The following JAKMIP2 variants were observed in gnomAD, a reference collection of about 807,000 sequenced individuals.
The protein encoded by JAKMIP2 is janus kinase and microtubule interacting protein 2.
JAKMIP2 carries 25 observed loss-of-function variants against 115.0 expected under a neutral mutation model. The ratio of observed to expected loss-of-function variants is 0.22; its 90% CI spans 0.16 to 0.30. The LOEUF (loss-of-function observed/expected upper bound fraction) is 0.30. JAKMIP2 is among the 10% of genes least tolerant of loss of function. The probability of loss-of-function intolerance (pLI) is 1.00; values close to 1 mark genes in which losing one functional copy is unlikely to be tolerated. For missense variants in JAKMIP2, 642 were observed against 957.6 expected (o/e 0.67, Z 4.35); for synonymous variants, 334 against 343.6 (o/e 0.97, Z 0.31).
At chr5:147,681,272 T>C (rs1200995174) in intron 1 of JAKMIP2, among the ~76,000 whole-genome samples, 3 of 152,166 alleles carry the variant, frequency 2.0e-5, no homozygotes, top group Non-Finnish European at 1.5e-5. Flanking sequence ...GTAGAAGTAA[T>C]GTCTAAGTTG....
At position 147,716,718 on chromosome 5, in the gene JAKMIP2, G is replaced by T. The variant is rs200207358; in HGVS notation, c.-148-44764C>A. 2.9e-3 allele frequency among the ~76,000 whole-genome samples: 424 copies of T among 148,706 alleles called. 7 individuals carry two copies. Among genetic ancestry groups the T allele is most frequent in the African/African-American group, 9.1e-3 (365 of 40,236 alleles). ...TTTGTTTTTTTCTTGTAAATTTGTT[G>T]GAGTTCATTGTAGATTCTGGATATT... On this transcript the variant is annotated intron_variant, in intron 1 of 21. Coordinates refer to ENST00000616793, the MANE Select transcript of JAKMIP2 (RefSeq NM_001270941.2).
chr5:147,764,727 A>T lies in JAKMIP2; in HGVS notation c.-149+17729T>A, dbSNP rs897175484. Among the ~76,000 whole-genome samples, 8 of 151,030 alleles carry T rather than the reference A, an allele frequency of 5.3e-5. No individual in the cohort carries two copies. In the East Asian group the frequency reaches 1.6e-3, roughly 30 times the overall value. ...ATGGTGAAACCCTGTCTCTACTAAA[A>T]CTGCAAAAATTAGCTGGGCATGGTG... On this transcript the variant is annotated intron_variant, in intron 1 of 21. Transcript: ENST00000616793.
In JAKMIP2 at chr5:147,661,121, G is replaced by A. The variant is rs542952506; in HGVS notation, c.454C>T (p.Leu152Phe). 6.2e-7 allele frequency: 1 copy of A among 1,613,990 alleles called. No individual in the cohort carries two copies. The highest frequency in any genetic ancestry group is 1.3e-5 in the African/African-American group (1 of 74,982). The change falls in exon 3 of 22, where the codon CTC (leucine) becomes TTC (phenylalanine). Residue 152 changes from leucine to phenylalanine, a missense_variant. Transcript: ENST00000616793. The stretch of plus-strand genomic sequence containing the variant: ...TTCAGGTCCGCAATTTCCTGTAAGA[G>A]CTTAAGGCGCTCTGTGTCAAACAGT... ...RKLFDTERLK[L>F]LQEIADLKTA... is the part of the protein sequence containing the mutation.
At position 147,591,782 on chromosome 5, in the gene JAKMIP2, C is replaced by T. The variant is rs146729714; in HGVS notation, c.*21-96G>A. On this transcript the variant is annotated intron_variant, in intron 21 of 21. Transcript: ENST00000616793. ...TAAAAAAAGACACAAATTTTTTATTCTTTACCACTGCTTTGATGTGTATGA... is the reference window on the plus strand; with the variant it reads ...TAAAAAAAGACACAAATTTTTTATTTTTTACCACTGCTTTGATGTGTATGA... 9.5e-4 allele frequency: 696 copies of T among 731,984 alleles called. 5 individuals carry two copies. In the African/African-American group the frequency reaches 0.011, roughly 12 times the overall value. The allele number at this position is 731,984 out of a possible 1,614,324, so 45.3% of individuals were successfully genotyped here. A position where few individuals can be genotyped will look rare whatever the true frequency, so the allele number is the denominator to read the frequency against.
At chr5:147,645,893 T>C (rs1758110157) in intron 5 of JAKMIP2, among the ~76,000 whole-genome samples, 1 of 152,178 alleles carries the variant, frequency 6.6e-6, no homozygotes, top group African/African-American at 2.4e-5. Context: ...CTTGAGGGGA[T>C]TGTCAATAGT....
intron 2 of JAKMIP2, among the ~76,000 whole-genome samples, chr5:147,663,843 C>T (rs938631118): frequency 2.0e-5 from 3 of 152,142 alleles, no homozygotes; most frequent in Non-Finnish European, 2.9e-5. Context: ...CCAGCTTACA[C>T]CTACGGTCCC....
intron 1 of JAKMIP2, among the ~76,000 whole-genome samples, chr5:147,677,011 T>A (rs1760004795): frequency 6.6e-6 from 1 of 152,242 alleles, no homozygotes; most frequent in Non-Finnish European, 1.5e-5. Flanking sequence ...CACAGGCATC[T>A]CTGAGAACAT....
At chr5:147,718,620 C>G (rs1429840681) in intron 1 of JAKMIP2, among the ~76,000 whole-genome samples, 5 of 151,692 alleles carry the variant, frequency 3.3e-5, no homozygotes, top group Non-Finnish European at 7.4e-5. Flanking sequence ...TCTAGATTTT[C>G]TAGTTTATTT....
chr5:147,767,117 C>A (rs1393485874), intron 1 of JAKMIP2, among the ~76,000 whole-genome samples: 1 of 152,126 alleles, frequency 6.6e-6, no homozygotes, highest in Non-Finnish European at 1.5e-5. Flanking sequence ...ACATTATATG[C>A]ACTGTTTGAT....
At chr5:147,763,834 A>C (rs1443163223) in intron 1 of JAKMIP2, among the ~76,000 whole-genome samples, 1 of 152,150 alleles carries the variant, frequency 6.6e-6, no homozygotes, top group Non-Finnish European at 1.5e-5. Context: ...CAAATAATCA[A>C]GAGTTGGTTA....
At chr5:147,698,642 G>T (rs1752202013) in intron 1 of JAKMIP2, among the ~76,000 whole-genome samples, 1 of 152,028 alleles carries the variant, frequency 6.6e-6, no homozygotes, top group South Asian at 2.1e-4. Flanking sequence ...GTCTTATTAG[G>T]GCTTCCCCCT....
intron 1 of JAKMIP2, among the ~76,000 whole-genome samples, chr5:147,712,740 C>T (rs2126915907): frequency 6.6e-6 from 1 of 152,210 alleles, no homozygotes; most frequent in East Asian, 1.9e-4. Flanking sequence ...CACACAGCAC[C>T]CAGCACCCAC....
At chr5:147,737,622 G>A (rs1158902886) in intron 1 of JAKMIP2, among the ~76,000 whole-genome samples, 2 of 152,198 alleles carry the variant, frequency 1.3e-5, no homozygotes, top group African/African-American at 4.8e-5. Context: ...CAGAATTCTA[G>A]ATTGATTAAG....
At chr5:147,668,013 A>G (rs1260813775) in intron 2 of JAKMIP2, among the ~76,000 whole-genome samples, 2 of 152,114 alleles carry the variant, frequency 1.3e-5, no homozygotes, top group Non-Finnish European at 2.9e-5. Context: ...AAACAGTTTG[A>G]ACCTCATTTT....
intron 1 of JAKMIP2, among the ~76,000 whole-genome samples, chr5:147,764,731 CAA>C (rs2127056179): frequency 6.6e-6 from 1 of 151,016 alleles, no homozygotes; most frequent in Non-Finnish European, 1.5e-5. Context: ...ACTAAAACTG[CAA>C]AAATTAGCTG....
chr5:147,763,074 ATGACAAAGGG>A, intron 1 of JAKMIP2, among the ~76,000 whole-genome samples: 1 of 152,220 alleles, frequency 6.6e-6, no homozygotes, highest in East Asian at 1.9e-4. Context: ...TTGACTGCCT[ATGACAAAGGG>A]TGAGTAGCCT....
chr5:147,636,127 C>T, intron 12 of JAKMIP2, 95 bp downstream of exon 12: 1 of 983,430 alleles, frequency 1.0e-6, no homozygotes, highest in Non-Finnish European at 1.6e-6. Context: ...TCCCCTTCCC[C>T]TGGCCCCTGT....
chr5:147,669,481 ACC>A lies in JAKMIP2; in HGVS notation c.129+2195_129+2196del, dbSNP rs1759471842. ...GCAGCCTGGTTCAAACTTGAGAGTTACCCATTTTAAAAGGCTTGAATATGTGG... is the reference window on the plus strand; with the variant it reads ...GCAGCCTGGTTCAAACTTGAGAGTTACATTTTAAAAGGCTTGAATATGTGG... On this transcript the variant is annotated intron_variant, in intron 2 of 21. Coordinates refer to ENST00000616793, the MANE Select transcript of JAKMIP2 (RefSeq NM_001270941.2). Among the ~76,000 whole-genome samples the A allele has an allele frequency of 2.0e-5, 3 of 152,170 alleles. No homozygotes were observed. The South Asian group carries it at 6.2e-4, about 31-fold the overall frequency.
At position 147,686,278 on chromosome 5, in the gene JAKMIP2, T is replaced by C. The variant is rs1036316090; in HGVS notation, c.-148-14324A>G. 7.2e-5 allele frequency among the ~76,000 whole-genome samples: 11 copies of C among 152,138 alleles called. No homozygotes were observed. In the East Asian group the frequency reaches 1.9e-3, roughly 27 times the overall value. On this transcript the variant is annotated intron_variant, in intron 1 of 21. Transcript: ENST00000616793. ...TGCCAGTCTCTTTTCATGAAGGGAC[T>C]GTGCAGTCAGTTAGATTGGAACTTG...
Sources: gnomAD v4.1 joint callset for allele counts (sites outside exome capture counted in the v4.1 genomes callset) on GRCh38, gnomAD v4.1.1 for gene constraint, MANE v1.5 for transcripts, NCBI Gene and HGNC (gene_info 2026-07-23, HGNC 2026-07-21) for gene names.